Variants in MYOM1 observed in about 807,000 individuals in gnomAD.
The protein encoded by MYOM1 is myomesin-1.
In MYOM1, 164 loss-of-function variants were observed where a neutral mutation model predicts 205.3. That is an observed-to-expected ratio of 0.80 (90% CI 0.70 to 0.91). The LOEUF is 0.91. Ranked by LOEUF, MYOM1 falls within the 40% of genes least tolerant of loss-of-function variation. The pLI, the probability that MYOM1 is intolerant of heterozygous loss-of-function variation, is 0.00. For synonymous variants in MYOM1, 772 were observed against 789.4 expected, an observed-to-expected ratio of 0.98 and a Z score of 0.37; for missense variants, 2,011 against 2,127.3, an observed-to-expected ratio of 0.95 and a Z score of 1.08.
intron 15 of MYOM1, 97 bp from the exon 16 acceptor site, chr18:3,134,921 C>T (rs767282139): frequency 6.0e-5 from 72 of 1,210,018 alleles, no homozygotes; most frequent in East Asian, 1.7e-4. Flanking sequence ...TTACACACTT[C>T]GTCATGTCAA....
At chr18:3,095,910 A>G (rs1395470235) in intron 25 of MYOM1, among the ~76,000 whole-genome samples, 2 of 152,202 alleles carry the variant, frequency 1.3e-5, no homozygotes, top group Non-Finnish European at 2.9e-5. Flanking sequence ...TCTTGAGGAG[A>G]GTAGAAAGCA....
chr18:3,083,115 C>T (rs2079103961), intron 33 of MYOM1, among the ~76,000 whole-genome samples: 1 of 152,118 alleles, frequency 6.6e-6, no homozygotes, highest in South Asian at 2.1e-4. Flanking sequence ...GCAGAGAGAG[C>T]CCAAGCATGA....
the MYOM1 span, among the ~76,000 whole-genome samples, chr18:3,234,497 A>G: frequency 6.6e-6 from 1 of 152,132 alleles, no homozygotes; most frequent in Non-Finnish European, 1.5e-5. Flanking sequence ...TTAATTATCC[A>G]CCTCAGGAAT....
chr18:3,114,673 C>T (rs1023369153), intron 21 of MYOM1, among the ~76,000 whole-genome samples: 1 of 151,320 alleles, frequency 6.6e-6, no homozygotes, highest in Non-Finnish European at 1.5e-5. Flanking sequence ...CATGAGTCAC[C>T]GTGCCTGGCC....
At chr18:3,186,840 AAAAG>A (rs1412485553) in intron 5 of MYOM1, among the ~76,000 whole-genome samples, 7 of 151,260 alleles carry the variant, frequency 4.6e-5, no homozygotes, top group Non-Finnish European at 8.9e-5. Flanking sequence ...GAAAGAAGAG[AAAAG>A]AAAGAAAGGG....
At chr18:3,178,663 A>T (rs1244471964) in intron 5 of MYOM1, among the ~76,000 whole-genome samples, 2 of 152,102 alleles carry the variant, frequency 1.3e-5, no homozygotes, top group Non-Finnish European at 2.9e-5. Context: ...CAGAACCCGA[A>T]CTCATCCTTC....
chr18:3,236,633 G>A, the MYOM1 span: 2 of 152,242 alleles, frequency 1.3e-5, no homozygotes, highest in African/African-American at 4.8e-5. Context: ...TTTGTGGAGT[G>A]TGAAGGTTTA....
chr18:3,072,449 G>GA (rs2143627029), intron 36 of MYOM1, among the ~76,000 whole-genome samples: 1 of 145,494 alleles, frequency 6.9e-6, no homozygotes, highest in South Asian at 2.2e-4. Context: ...CGCCTCCCAG[G>GA]TTCAAGTGAT....
At chr18:3,157,688 A>ATAATAT (rs2080322288) in intron 10 of MYOM1, among the ~76,000 whole-genome samples, 1 of 105,364 alleles carries the variant, frequency 9.5e-6, no homozygotes, top group African/African-American at 3.9e-5. Flanking sequence ...AAAAATAATA[A>ATAATAT]TAATAATAAT....
upstream of MYOM1, among the ~76,000 whole-genome samples, chr18:3,223,418 A>C (rs2081340133): frequency 6.6e-6 from 1 of 152,186 alleles, no homozygotes; most frequent in African/African-American, 2.4e-5. Flanking sequence ...GAAAGCCATA[A>C]ATTTGCTGTA....
At chr18:3,214,710 C>G (rs1349777929) in intron 2 of MYOM1, among the ~76,000 whole-genome samples, 2 of 152,192 alleles carry the variant, frequency 1.3e-5, no homozygotes, top group African/African-American at 4.8e-5. Flanking sequence ...GTAATCCCAG[C>G]TACTCGGGAG....
chr18:3,087,814 T>TA (rs1179779786), intron 29 of MYOM1, among the ~76,000 whole-genome samples: 3 of 152,014 alleles, frequency 2.0e-5, no homozygotes, highest in Non-Finnish European at 2.9e-5. Flanking sequence ...TTTATTTATT[T>TA]TTTTTTTTGA....
In MYOM1 at chr18:3,193,891, T is replaced by G; in HGVS notation, c.358A>C (p.Lys120Gln). 1 of 1,613,960 alleles carries G rather than the reference T, an allele frequency of 6.2e-7. No homozygotes were observed. The highest frequency in any genetic ancestry group is 8.5e-7 in the Non-Finnish European group (1 of 1,179,846). ...TCTTCTCCAGACAGTAGGCTGTGCT[T>G]GGCTCTCTTTGGTTTGGGGCTCAAC... ...SKLSPKPKRA[K>Q]HSLLSGEEKE... The change falls in exon 3 of 38, where the codon AAG becomes CAG. Residue 120 changes from lysine to glutamine, a missense_variant. Physicochemically the swap from Lys to Gln is moderately conservative, Grantham distance 53. Transcript: ENST00000356443.
chr18:3,113,546 T>C (rs933478564), intron 21 of MYOM1, among the ~76,000 whole-genome samples: 4 of 152,094 alleles, frequency 2.6e-5, no homozygotes, highest in African/African-American at 4.8e-5. Context: ...TTGCCCAGGC[T>C]GGTCTCAAAC....
At chr18:3,119,578 T>C (rs2079654794) in intron 20 of MYOM1, among the ~76,000 whole-genome samples, 1 of 152,186 alleles carries the variant, frequency 6.6e-6, no homozygotes, top group South Asian at 2.1e-4. Context: ...CTTTTAAACA[T>C]TCATTTGCAC....
chr18:3,090,631 C>T (rs775552435), intron 27 of MYOM1, 27 bp downstream of exon 27: 2 of 1,612,602 alleles, frequency 1.2e-6, no homozygotes, highest in East Asian at 4.5e-5. Flanking sequence ...GCAAAGCCTG[C>T]TGGTTAATGT....
intron 37 of MYOM1, among the ~76,000 whole-genome samples, chr18:3,069,187 C>T (rs2078932913): frequency 6.6e-6 from 1 of 152,160 alleles, no homozygotes; most frequent in Non-Finnish European, 1.5e-5. Context: ...TCCACAGCCT[C>T]CCCACCATTT....
chr18:3,221,308 C>T (rs1233618831), upstream of MYOM1, among the ~76,000 whole-genome samples: 1 of 152,226 alleles, frequency 6.6e-6, no homozygotes, highest in Non-Finnish European at 1.5e-5. Context: ...GCGTGAGCCA[C>T]TGCACCCAGT....
At chr18:3,082,666 G>T (rs1334739312) in intron 33 of MYOM1, among the ~76,000 whole-genome samples, 2 of 152,110 alleles carry the variant, frequency 1.3e-5, no homozygotes, top group South Asian at 4.1e-4. Context: ...TCTTTGCCAG[G>T]CCTCCGTTCT....
Sources: allele counts gnomAD v4.1 joint callset (sites outside exome capture counted in the v4.1 genomes callset), GRCh38; gene constraint gnomAD v4.1.1; transcripts MANE v1.5; gene names NCBI Gene and HGNC (gene_info 2026-07-23, HGNC 2026-07-21).